Variants in IQCB1 observed in about 807,000 individuals in gnomAD.
The protein encoded by IQCB1 is IQ calmodulin-binding motif-containing protein 1.
In IQCB1, 56 loss-of-function variants were observed where a neutral mutation model predicts 84.4. That is an observed-to-expected ratio of 0.66 (90% confidence interval 0.54 to 0.83). The LOEUF is 0.83. Ranked by LOEUF, IQCB1 falls within the 40% of genes least tolerant of loss-of-function variation. The pLI, the probability that IQCB1 is intolerant of heterozygous loss-of-function variation, is 0.00. For missense variants in IQCB1, 629 were observed against 682.1 expected (o/e 0.92, Z 0.87); for synonymous variants, 210 against 234.8 (o/e 0.89, Z 0.96).
chr3:121,814,748 T>C (rs1235037259), intron 5 of IQCB1, among the ~76,000 whole-genome samples: 1 of 152,166 alleles, frequency 6.6e-6, no homozygotes, highest in Non-Finnish European at 1.5e-5. Flanking sequence ...TAACAAGTTC[T>C]GAAATTGAGG....
intron 3 of IQCB1, 53 bp from the exon 4 acceptor site, chr3:121,828,685 C>G: frequency 7.9e-7 from 1 of 1,271,870 alleles, no homozygotes; most frequent in Non-Finnish European, 1.1e-6. Flanking sequence ...CATCCAGGAG[C>G]TATTTGTATT....
chr3:121,831,515 CACAGGTAAA>C (rs1336989986), intron 2 of IQCB1, among the ~76,000 whole-genome samples: 2 of 152,134 alleles, frequency 1.3e-5, no homozygotes, highest in Non-Finnish European at 2.9e-5. Context: ...CAGTCAGAAG[CACAGGTAAA>C]ACAACTTAGG....
chr3:121,777,368 C>T (rs1179498576), intron 13 of IQCB1, among the ~76,000 whole-genome samples: 3 of 152,238 alleles, frequency 2.0e-5, no homozygotes, highest in South Asian at 2.1e-4. Context: ...TACCCTATTG[C>T]TCTTAGGCTA....
Position 121,792,540 on chromosome 3 carries a change from T to C in IQCB1, c.987-2325A>G, listed in dbSNP as rs542804819. Among the ~76,000 whole-genome samples the C allele has an allele frequency of 3.5e-5, 5 of 143,304 alleles. No individual in the cohort carries two copies. In the South Asian group the frequency reaches 9.4e-4, roughly 27 times the overall value. 94.0% of individuals were successfully genotyped at this position (143,304 alleles called of 152,430 possible). On this transcript the variant is annotated intron_variant, in intron 10 of 14. Coordinates refer to ENST00000310864, the MANE Select transcript of IQCB1 (RefSeq NM_001023570.4). ...AGCCGGGCGTGATGGCGGGCGCCTGTAGTCCCAGCTACTCGGGAGGCTGAG... is the reference window on the plus strand; with the variant it reads ...AGCCGGGCGTGATGGCGGGCGCCTGCAGTCCCAGCTACTCGGGAGGCTGAG...
At chr3:121,782,976 C>G (rs1948566964) in intron 12 of IQCB1, among the ~76,000 whole-genome samples, 1 of 152,132 alleles carries the variant, frequency 6.6e-6, no homozygotes, top group Non-Finnish European at 1.5e-5. Flanking sequence ...CGTCCCACCT[C>G]TACAAATAAC....
intron 5 of IQCB1, among the ~76,000 whole-genome samples, chr3:121,816,234 T>C (rs1363167351): frequency 6.6e-6 from 1 of 152,168 alleles, no homozygotes. Flanking sequence ...AAACTGAAAC[T>C]GGACCCCTTC....
chr3:121,804,580 T>C (rs1029685759), intron 7 of IQCB1, among the ~76,000 whole-genome samples: 1 of 152,190 alleles, frequency 6.6e-6, no homozygotes, highest in Non-Finnish European at 1.5e-5. Flanking sequence ...AGAAAGTTGC[T>C]GTCATCCTTA....
rs770442683 is a variant in IQCB1 at position 121,795,608 on chromosome 3, C to G, written c.877-42G>C. On this transcript the variant is annotated intron_variant, in intron 9 of 14. Transcript: ENST00000310864. ...AATTTAGAGATATCTCTAGGAAGGTCTTTAAAAAAAAAAAAAAGTTTACCT... is the reference window on the plus strand; with the variant it reads ...AATTTAGAGATATCTCTAGGAAGGTGTTTAAAAAAAAAAAAAAGTTTACCT... The G allele has an allele frequency of 3.6e-5, 35 of 982,846 alleles. 2 individuals are homozygous for G. In the South Asian group the frequency reaches 4.8e-4, roughly 14 times the overall value. 60.9% of individuals were successfully genotyped at this position (982,846 alleles called of 1,614,324 possible). A position where few individuals can be genotyped will look rare whatever the true frequency, so the allele number is the denominator to read the frequency against.
intron 13 of IQCB1, among the ~76,000 whole-genome samples, chr3:121,773,977 C>T (rs1208829860): frequency 2.0e-5 from 3 of 151,920 alleles, no homozygotes; most frequent in Non-Finnish European, 4.4e-5. Context: ...AACTGGCAGT[C>T]CACAGAATGG....
rs188603982 is a variant in IQCB1 at position 121,797,043 on chromosome 3, G to A, written c.876+75C>T. 1.4e-4 allele frequency: 117 copies of A among 810,630 alleles called. No homozygotes were observed. In the East Asian group the frequency reaches 2.5e-3, roughly 17 times the overall value. 50.2% of individuals were successfully genotyped at this position (810,630 alleles called of 1,614,324 possible). ...TGAAATCTTAAGAGAAAGAAAGTGA[G>A]GAACATTTAAGGAAAACTAAGGTTT... On this transcript the variant is annotated intron_variant, in intron 9 of 14. Coordinates refer to ENST00000310864, the MANE Select transcript of IQCB1 (RefSeq NM_001023570.4).
chr3:121,814,885 A>C (rs1949986058), intron 5 of IQCB1, among the ~76,000 whole-genome samples: 5 of 152,206 alleles, frequency 3.3e-5, no homozygotes, highest in Admixed American at 2.6e-4. Flanking sequence ...ATACAAAAAG[A>C]GGGACTCCTC....
chr3:121,782,449 G>A (rs1462198326), intron 12 of IQCB1, among the ~76,000 whole-genome samples: 1 of 152,332 alleles, frequency 6.6e-6, no homozygotes, highest in East Asian at 1.9e-4. Flanking sequence ...TTTAAAGCAG[G>A]GGTCAGCAAA....
intron 5 of IQCB1, among the ~76,000 whole-genome samples, chr3:121,822,212 A>C (rs1950299434): frequency 6.6e-6 from 1 of 152,194 alleles, no homozygotes. Flanking sequence ...TGCAAATCTC[A>C]GGACTTGTTA....
At chr3:121,818,843 C>T (rs1460638526) in intron 5 of IQCB1, among the ~76,000 whole-genome samples, 1 of 152,118 alleles carries the variant, frequency 6.6e-6, no homozygotes, top group Non-Finnish European at 1.5e-5. Context: ...GCTAGGCATT[C>T]AGACAAAGCT....
At chr3:121,809,550 C>T (rs1949745616) in intron 5 of IQCB1, among the ~76,000 whole-genome samples, 1 of 152,068 alleles carries the variant, frequency 6.6e-6, no homozygotes, top group Admixed American at 6.5e-5. Flanking sequence ...TGTCATTTAG[C>T]TCCCCATACA....
intron 12 of IQCB1, among the ~76,000 whole-genome samples, chr3:121,786,163 T>C (rs1470539674): frequency 3.5e-5 from 1 of 28,646 alleles, no homozygotes; most frequent in Non-Finnish European, 6.7e-5. Context: ...AGAGAGAGAT[T>C]CTGTCTCAAA....
At chr3:121,824,606 G>A (rs143323497) in intron 5 of IQCB1, among the ~76,000 whole-genome samples, 35 of 147,030 alleles carry the variant, frequency 2.4e-4, no homozygotes, top group African/African-American at 8.8e-4. Context: ...GAGTCCATGA[G>A]TAAGGTTGAA....
intron 5 of IQCB1, among the ~76,000 whole-genome samples, chr3:121,810,983 CA>C (rs1467425993): frequency 1.3e-4 from 20 of 152,232 alleles, no homozygotes; most frequent in Admixed American, 7.8e-4. Flanking sequence ...AATTCTCTGC[CA>C]GGGGGATCTG....
intron 11 of IQCB1, among the ~76,000 whole-genome samples, chr3:121,789,351 T>C (rs1948864363): frequency 1.3e-5 from 2 of 152,228 alleles, no homozygotes; most frequent in African/African-American, 4.8e-5. Context: ...CCTTTCATTT[T>C]TGTAAAAATT....
Sources: gnomAD v4.1 joint callset for allele counts (sites outside exome capture counted in the v4.1 genomes callset) on GRCh38, gnomAD v4.1.1 for gene constraint, MANE v1.5 for transcripts, NCBI Gene and HGNC (gene_info 2026-07-23, HGNC 2026-07-21) for gene names.